NFIX: variants seen among roughly 807,000 people sequenced by gnomAD.
NFIX encodes the protein nuclear factor I X.
NFIX carries 2 observed loss-of-function variants against 53.3 expected under a neutral mutation model. The ratio of observed to expected loss-of-function variants is 0.04; its 90% CI spans 0.02 to 0.12. NFIX has a LOEUF of 0.12. Among genes scored for constraint, NFIX ranks in the 10% least tolerant of loss-of-function variants. The probability of loss-of-function intolerance (pLI) is 1.00; values close to 1 mark genes in which losing one functional copy is unlikely to be tolerated. For missense variants in NFIX, 310 were observed against 674.5 expected, an observed-to-expected ratio of 0.46 and a Z score of 5.99; for synonymous variants, 244 against 289.0, an observed-to-expected ratio of 0.84 and a Z score of 1.58.
intron 2 of NFIX, chr19:13,071,038 CCTT>C (rs1326294056): frequency 2.0e-5 from 3 of 152,426 alleles, no homozygotes; most frequent in African/African-American, 7.2e-5. Context: ...GAAGCTTCCT[CCTT>C]CTTCCCCTGA....
intron 2 of NFIX, among the ~76,000 whole-genome samples, chr19:13,063,417 T>G (rs2016210823): frequency 6.6e-6 from 1 of 152,090 alleles, no homozygotes; most frequent in South Asian, 2.1e-4. Flanking sequence ...GGCAGCTGCA[T>G]GCAGCCCAGC....
In NFIX at chr19:13,011,884, A is replaced by AC. The variant is rs149869178; in HGVS notation, c.28-13137_28-13136insC. On this transcript the variant is annotated intron_variant, in intron 1 of 10. Coordinates refer to ENST00000592199, the MANE Select transcript of NFIX (RefSeq NM_001365902.3). This position sits in a 1 kb window ranked among gnomAD's most constrained non-coding sequence, Gnocchi z 6.5. ...CTGCAACTGACTCAAGACTGGGGGGAGGGGGCTCATGGAGGTAGAGGTGGT... is the reference window on the plus strand; with the variant it reads ...CTGCAACTGACTCAAGACTGGGGGGACGGGGGCTCATGGAGGTAGAGGTGGT... 0.013 allele frequency among the ~76,000 whole-genome samples: 1,911 copies of AC among 151,684 alleles called. 44 individuals are homozygous for AC. The highest frequency in any genetic ancestry group is 0.044 in the African/African-American group (1,824 of 41,302).
intron 2 of NFIX, among the ~76,000 whole-genome samples, chr19:13,057,477 TCGGCTTTCGCTCCCA>T (rs1001377816): frequency 1.1e-4 from 16 of 152,272 alleles, no homozygotes; most frequent in African/African-American, 3.9e-4. Context: ...AGCTGCAGAC[TCGGCTTTCGCTCCCA>T]CCAAGCCGGC....
At chr19:13,077,750 A>G (rs1262819433) in intron 6 of NFIX, among the ~76,000 whole-genome samples, 1 of 152,186 alleles carries the variant, frequency 6.6e-6, no homozygotes, top group Non-Finnish European at 1.5e-5. Flanking sequence ...TCAGCCCAAG[A>G]TGGGAGCTGA....
chr19:13,096,000 C>G lies in NFIX; in HGVS notation c.*1351C>G, dbSNP rs181608618. 4 of 152,378 alleles carry G rather than the reference C, an allele frequency of 2.6e-5. No individual in the cohort carries two copies. The highest frequency in any genetic ancestry group is 7.2e-5 in the African/African-American group (3 of 41,442). The allele number at this position is 152,378 out of a possible 1,614,324, so 9.4% of individuals were successfully genotyped here. Reference sequence around the variant, plus strand: ...TTTGGTAACACACCACAGGAAGTAGCTCTCCCCCCCAGCCCCCTCCTCCCT... The same window carrying G: ...TTTGGTAACACACCACAGGAAGTAGGTCTCCCCCCCAGCCCCCTCCTCCCT... On this transcript the variant is annotated 3_prime_UTR_variant, in exon 11 of 11. Coordinates refer to ENST00000592199, the MANE Select transcript of NFIX (RefSeq NM_001365902.3).
chr19:13,080,121 C>T (rs542609308), intron 7 of NFIX, among the ~76,000 whole-genome samples: 1 of 152,216 alleles, frequency 6.6e-6, no homozygotes, highest in South Asian at 2.1e-4. Context: ...TAGTGAGGCA[C>T]TCACCTTAGG....
At chr19:13,055,130 T>C (rs2015573694) in intron 2 of NFIX, among the ~76,000 whole-genome samples, 2 of 141,816 alleles carry the variant, frequency 1.4e-5, no homozygotes, top group South Asian at 4.4e-4. Context: ...TTAGGAGACC[T>C]CCCGCCGGCT....
Position 13,098,393 on chromosome 19 carries a change from C to T in NFIX, c.*3744C>T, listed in dbSNP as rs1229487307. The T allele has an allele frequency of 6.6e-6, 1 of 151,954 alleles. No individual in the cohort carries two copies. The highest frequency in any genetic ancestry group is 1.5e-5 in the Non-Finnish European group (1 of 68,010). The allele number at this position is 151,954 out of a possible 1,614,324, so 9.4% of individuals were successfully genotyped here. ...CCAGCATCGCGGACCGCAAAGGCCG[C>T]CCGTCCCGTCAAACAAGTTTCTTCT... On this transcript the variant is annotated 3_prime_UTR_variant, in exon 11 of 11. Transcript: ENST00000592199.
rs2017940502 is a variant in NFIX at position 13,088,585 on chromosome 19, C to T, written c.1402+449C>T. 6.6e-6 allele frequency among the ~76,000 whole-genome samples: 1 copy of T among 151,886 alleles called. No homozygotes were observed. Among genetic ancestry groups the T allele is most frequent in the Non-Finnish European group, 1.5e-5 (1 of 67,994 alleles). On this transcript the variant is annotated intron_variant, in intron 9 of 10. Transcript: ENST00000592199. This position sits in a 1 kb window ranked among gnomAD's most constrained non-coding sequence, Gnocchi z 5.9. ...AAAATCAAATGTAACCACAAGGCGA[C>T]GCCACCACCATCCCCTTTTTGCCTT...
rs1413313736 is a variant in NFIX, at chr19:13,028,132, A to G, written c.559+2580A>G. Among the ~76,000 whole-genome samples the G allele has an allele frequency of 6.6e-6, 1 of 152,226 alleles. No individual in the cohort carries two copies. The highest frequency in any genetic ancestry group is 1.5e-5 in the Non-Finnish European group (1 of 68,030). The stretch of plus-strand genomic sequence containing the variant: ...AAATAAAAACATTTCTTGCTTTGCT[A>G]GAAAATGTCTTCTGTGGCTGAGCCA... On this transcript the variant is annotated intron_variant, in intron 2 of 10. Coordinates refer to ENST00000592199, the MANE Select transcript of NFIX (RefSeq NM_001365902.3). The surrounding 1 kb of genome is among the most constrained non-coding windows in gnomAD (Gnocchi z 4.2).
chr19:12,999,142 G>A (rs943648933), intron 1 of NFIX, among the ~76,000 whole-genome samples: 5 of 151,840 alleles, frequency 3.3e-5, no homozygotes, highest in African/African-American at 1.2e-4. Flanking sequence ...CAGTTGGCTC[G>A]CTCAGGTGTG....
In NFIX at chr19:13,037,223, T is replaced by C. The variant is rs1390970530; in HGVS notation, c.559+11671T>C. Among the ~76,000 whole-genome samples, 1 of 151,946 alleles carries C rather than the reference T, an allele frequency of 6.6e-6. No individual in the cohort carries two copies. The highest frequency in any genetic ancestry group is 1.5e-5 in the Non-Finnish European group (1 of 67,978). On this transcript the variant is annotated intron_variant, in intron 2 of 10. Coordinates refer to ENST00000592199, the MANE Select transcript of NFIX (RefSeq NM_001365902.3). The surrounding 1 kb of genome is among the most constrained non-coding windows in gnomAD (Gnocchi z 4.2). ...CAGGGAGAAGAGGGGAGCTACAGAG[T>C]CTTCCCTGTCCTTCTCTCTCCCAGG...
rs1295655363 is a variant in NFIX at position 13,023,106 on chromosome 19, C to T, written c.28-1915C>T. Among the ~76,000 whole-genome samples, 6 of 149,790 alleles carry T rather than the reference C, an allele frequency of 4.0e-5. 1 individual carries two copies. Among genetic ancestry groups the T allele is most frequent in the Admixed American group, 4.0e-4 (6 of 15,080 alleles). ...TCTCTCTCTCTCTCTCTGTCTCTTT[C>T]TCCCCCCACCCCTTTTTACTGGCTT... On this transcript the variant is annotated intron_variant, in intron 1 of 10. Coordinates refer to ENST00000592199, the MANE Select transcript of NFIX (RefSeq NM_001365902.3).
At chr19:13,085,403 G>T (rs1336648692) in intron 8 of NFIX, among the ~76,000 whole-genome samples, 1 of 152,226 alleles carries the variant, frequency 6.6e-6, no homozygotes, top group Non-Finnish European at 1.5e-5. Flanking sequence ...GAAGGCCTCT[G>T]TGTCCCAGTC....
In NFIX at chr19:13,093,549, C is replaced by CCCTG. The variant is rs2046406801; in HGVS notation, c.1495-1085_1495-1082dup. On this transcript the variant is annotated intron_variant, in intron 10 of 10. Transcript: ENST00000592199. This position sits in a 1 kb window ranked among gnomAD's most constrained non-coding sequence, Gnocchi z 4.7. ...GCCTGCACTGCCCCTTACATTTGAA[C>CCCTG]CCTGGCTCTGTTGCCCGAGGGCTGT... Among the ~76,000 whole-genome samples, 1 of 152,204 alleles carries CCCTG rather than the reference C, an allele frequency of 6.6e-6. No homozygotes were observed.
At chr19:13,064,081 C>A (rs1314139830) in intron 2 of NFIX, among the ~76,000 whole-genome samples, 1 of 152,170 alleles carries the variant, frequency 6.6e-6, no homozygotes, top group African/African-American at 2.4e-5. Flanking sequence ...GGGACCCCCC[C>A]CCTCCCCAGG....
At position 13,012,452 on chromosome 19, in the gene NFIX, A is replaced by G. The variant is rs1223121318; in HGVS notation, c.28-12569A>G. 7.2e-6 allele frequency among the ~76,000 whole-genome samples: 1 copy of G among 139,422 alleles called. No homozygotes were observed. Among genetic ancestry groups the G allele is most frequent in the Non-Finnish European group, 1.6e-5 (1 of 63,950 alleles). The allele number at this position is 139,422 out of a possible 152,430, so 91.5% of individuals were successfully genotyped here. A position where few individuals can be genotyped will look rare whatever the true frequency, so the allele number is the denominator to read the frequency against. ...CCTGCCCCTCACAGTGACCCCCCCG[A>G]CCCACCCCCCAAAAAGTGACCCCGC... On this transcript the variant is annotated intron_variant, in intron 1 of 10. Transcript: ENST00000592199. The surrounding 1 kb of genome is among the most constrained non-coding windows in gnomAD (Gnocchi z 5.0).
In NFIX at chr19:13,090,198, TCTAA is replaced by T. The variant is rs1030374468; in HGVS notation, c.1403-98_1403-95del. ...GCCAGCCTAAACTCGGGCAGCATGG[TCTAA>T]CTCAGTCTCTCCCTCTCTCAGCAGC... is the stretch of plus-strand genomic sequence containing the variant. On this transcript the variant is annotated intron_variant, in intron 9 of 10. Transcript: ENST00000592199. The surrounding 1 kb of genome is among the most constrained non-coding windows in gnomAD (Gnocchi z 6.6). 34 of 1,110,932 alleles carry T rather than the reference TCTAA, an allele frequency of 3.1e-5. No homozygotes were observed. In the African/African-American group the frequency reaches 4.1e-4, roughly 14 times the overall value. The allele number at this position is 1,110,932 out of a possible 1,614,324, so 68.8% of individuals were successfully genotyped here.
At chr19:13,065,752 A>G (rs1599825482) in intron 2 of NFIX, among the ~76,000 whole-genome samples, 1 of 152,064 alleles carries the variant, frequency 6.6e-6, no homozygotes, top group African/African-American at 2.4e-5. Flanking sequence ...CTGCCGCTCC[A>G]TGCCTGGGCC....
Sources: gnomAD v4.1 joint callset for allele counts (sites outside exome capture counted in the v4.1 genomes callset) on GRCh38, gnomAD v4.1.1 for gene constraint, Gnocchi (gnomAD v3.1) non-coding constraint, MANE v1.5 for transcripts, NCBI Gene and HGNC (gene_info 2026-07-23, HGNC 2026-07-21) for gene names.